Variants in ADGRF5 observed in about 807,000 individuals in gnomAD.
ADGRF5 encodes G-protein coupled receptor 116.
ADGRF5 carries 75 observed loss-of-function variants against 132.3 expected under a neutral mutation model. The observed-to-expected ratio is 0.57, with a 90% CI of 0.47 to 0.69. The LOEUF (loss-of-function observed/expected upper bound fraction) is 0.69, where lower values mean the gene tolerates loss of function less well. ADGRF5 is among the 30% of genes least tolerant of loss of function. The pLI is 0.00. For missense variants in ADGRF5, 1,516 were observed against 1,630.6 expected (o/e 0.93, Z 1.21); for synonymous variants, 629 against 597.6 (o/e 1.05, Z -0.77).
intron 20 of ADGRF5, among the ~76,000 whole-genome samples, chr6:46,854,997 C>G (rs922392804): frequency 6.6e-6 from 1 of 152,186 alleles, no homozygotes; most frequent in Non-Finnish European, 1.5e-5. Flanking sequence ...ATGCATTTCT[C>G]AACTCTGCAT....
At chr6:46,864,678 C>G (rs1375646098) in intron 14 of ADGRF5, among the ~76,000 whole-genome samples, 2 of 152,058 alleles carry the variant, frequency 1.3e-5, no homozygotes, top group African/African-American at 4.8e-5. Flanking sequence ...GTGCATGCTC[C>G]CATGCCTGGC....
chr6:46,937,834 A>G (rs1260228600), intron 1 of ADGRF5, among the ~76,000 whole-genome samples: 1 of 152,240 alleles, frequency 6.6e-6, no homozygotes, highest in East Asian at 1.9e-4. Context: ...ATGGTCAGAA[A>G]TAAACTGGAC....
intron 3 of ADGRF5, among the ~76,000 whole-genome samples, chr6:46,897,333 GA>G (rs1264377521): frequency 5.3e-5 from 8 of 151,286 alleles, no homozygotes; most frequent in East Asian, 3.9e-4. Flanking sequence ...AAAAAAAAAA[GA>G]AAAAAACTCC....
Position 46,880,122 on chromosome 6 carries a change from G to C in ADGRF5, c.815-83C>G, listed in dbSNP as rs1375782558. 2.1e-5 allele frequency: 19 copies of C among 922,122 alleles called. No homozygotes were observed. The Admixed American group carries it at 3.3e-4, about 16-fold the overall frequency. The allele number at this position is 922,122 out of a possible 1,614,324, so 57.1% of individuals were successfully genotyped here. A position where few individuals can be genotyped will look rare whatever the true frequency, so the allele number is the denominator to read the frequency against. Reference sequence around the variant, plus strand: ...ACTCACCACACACAACCACCACAAGGCTCTTGGAGATCTTGACAGCATCTG... The same window carrying C: ...ACTCACCACACACAACCACCACAAGCCTCTTGGAGATCTTGACAGCATCTG... On this transcript the variant is annotated intron_variant, in intron 8 of 20. Coordinates refer to ENST00000283296, the MANE Select transcript of ADGRF5 (RefSeq NM_001098518.2).
intron 10 of ADGRF5, among the ~76,000 whole-genome samples, chr6:46,877,195 A>T (rs1463744215): frequency 1.3e-5 from 2 of 152,202 alleles, no homozygotes; most frequent in Non-Finnish European, 2.9e-5. Context: ...TTGTGAAACA[A>T]GACCTTTGGT....
intron 1 of ADGRF5, among the ~76,000 whole-genome samples, chr6:46,942,813 G>GTCCACAGC (rs1183572755): frequency 6.6e-6 from 1 of 151,772 alleles, no homozygotes; most frequent in African/African-American, 2.4e-5. Context: ...TACTTTACAA[G>GTCCACAGC]TCCACAGCTG....
chr6:46,918,550 A>C (rs1562238905), intron 1 of ADGRF5, among the ~76,000 whole-genome samples: 1 of 152,348 alleles, frequency 6.6e-6, no homozygotes, highest in East Asian at 1.9e-4. Context: ...GACCTTGAAT[A>C]AAAAGTATGA....
rs761917667 is a variant in ADGRF5, at chr6:46,858,178, C to T, written c.3725G>A (p.Gly1242Glu). 6.2e-7 allele frequency: 1 copy of T among 1,614,076 alleles called. No individual in the cohort carries two copies. The highest frequency in any genetic ancestry group is 8.5e-7 in the Non-Finnish European group (1 of 1,179,978). The change falls in exon 17 of 21, where the codon GGG becomes GAG. Residue 1242 changes from glycine (G) to glutamate (E), a missense_variant. Around this residue, in one of 2 missense-constraint regions of ADGRF5, gnomAD observed 571 missense variants for 701.2 expected, o/e 0.81. Transcript: ENST00000283296. Reference protein sequence around the residue: ...WGFGLTTVFPGTNLVFHIIFA... With the variant: ...WGFGLTTVFPETNLVFHIIFA... ...TATGATATGGAACACAAGGTTGGTC[C>T]CTGGGAACACAGTGGTGAGACCAAA...
At chr6:46,912,037 G>A (rs1357500022) in intron 1 of ADGRF5, among the ~76,000 whole-genome samples, 3 of 152,074 alleles carry the variant, frequency 2.0e-5, no homozygotes. Context: ...TTCTAATGGG[G>A]TGGTTCTAGT....
Position 46,932,220 on chromosome 6 carries a change from TA to T in ADGRF5, c.-25+22513del, listed in dbSNP as rs147730504. 7.6e-3 allele frequency among the ~76,000 whole-genome samples: 1,156 copies of T among 152,300 alleles called. 39 individuals are homozygous for T. Among genetic ancestry groups the T allele is most frequent in the Admixed American group, 0.058 (879 of 15,284 alleles). ...ATTGAACACTCAAGAATTGATCATT[TA>T]AAAAATATTTTTTGACCATTAGTTT... On this transcript the variant is annotated intron_variant, in intron 1 of 20. Coordinates refer to the ADGRF5 transcript ENST00000265417.
chr6:46,883,967 C>T, intron 5 of ADGRF5, 128 bp downstream of exon 5: 1 of 836,526 alleles, frequency 1.2e-6, no homozygotes, highest in Non-Finnish European at 1.9e-6. Flanking sequence ...CTGTCAAAGT[C>T]CTGACCACAG....
intron 3 of ADGRF5, among the ~76,000 whole-genome samples, chr6:46,892,533 C>A (rs1773752294): frequency 6.6e-6 from 1 of 152,078 alleles, no homozygotes. Context: ...GGGTGGATCA[C>A]AAGGTCAGGA....
chr6:46,860,072 G>C (rs1226734129), intron 16 of ADGRF5, among the ~76,000 whole-genome samples: 1 of 152,078 alleles, frequency 6.6e-6, no homozygotes, highest in Non-Finnish European at 1.5e-5. Flanking sequence ...TTTCTCCTGA[G>C]CACATGTCTG....
chr6:46,927,465 G>C (rs1419842529), intron 1 of ADGRF5, among the ~76,000 whole-genome samples: 1 of 152,010 alleles, frequency 6.6e-6, no homozygotes, highest in Non-Finnish European at 1.5e-5. Flanking sequence ...TTATGCTCTG[G>C]TGAACCCCCA....
intron 3 of ADGRF5, among the ~76,000 whole-genome samples, chr6:46,890,906 A>T (rs1027686100): frequency 6.6e-6 from 1 of 152,204 alleles, no homozygotes; most frequent in African/African-American, 2.4e-5. Context: ...GAAATACTAA[A>T]ATAGAGTAAG....
upstream of ADGRF5, among the ~76,000 whole-genome samples, chr6:46,925,835 C>G (rs1777219227): frequency 6.6e-6 from 1 of 152,206 alleles, no homozygotes; most frequent in Non-Finnish European, 1.5e-5. Flanking sequence ...CAGCCCTGGC[C>G]AGCATAGCTA....
At chr6:46,887,712 T>A (rs933355610) in intron 4 of ADGRF5, among the ~76,000 whole-genome samples, 1 of 152,220 alleles carries the variant, frequency 6.6e-6, no homozygotes, top group Non-Finnish European at 1.5e-5. Flanking sequence ...AATTCCCTGT[T>A]ATCAGATAAC....
At chr6:46,870,837 G>T (rs188349070) in intron 11 of ADGRF5, 1 of 442,094 alleles carries the variant, frequency 2.3e-6, no homozygotes, top group Non-Finnish European at 4.5e-6. Flanking sequence ...GCATTATTTC[G>T]CTAGAAGAGC....
chr6:46,916,182 G>A (rs1776401431), intron 1 of ADGRF5, among the ~76,000 whole-genome samples: 3 of 152,172 alleles, frequency 2.0e-5, no homozygotes, highest in East Asian at 1.9e-4. Flanking sequence ...TGACCTTTAT[G>A]GCATATTGCC....
Sources: gnomAD v4.1 joint callset for allele counts (sites outside exome capture counted in the v4.1 genomes callset) on GRCh38, gnomAD v4.1.1 for gene constraint, gnomAD v4.1.1 regional missense constraint, MANE v1.5 for transcripts, NCBI Gene and HGNC (gene_info 2026-07-23, HGNC 2026-07-21) for gene names.